The following ADAMTS6 variants were observed in gnomAD, a reference collection of about 807,000 sequenced individuals.
ADAMTS6 encodes A disintegrin and metalloproteinase with thrombospondin motifs 6.
Under a neutral mutation model 144.3 loss-of-function variants are expected in ADAMTS6, and 23 were observed. The observed-to-expected ratio is 0.16, with a 90% CI of 0.11 to 0.23. The LOEUF (loss-of-function observed/expected upper bound fraction) is 0.23, where lower values mean the gene tolerates loss of function less well. Among genes scored for constraint, ADAMTS6 ranks in the 10% least tolerant of loss-of-function variants. The pLI, the probability that ADAMTS6 is intolerant of heterozygous loss-of-function variation, is 1.00. For missense variants in ADAMTS6, 999 were observed against 1,379.6 expected, an observed-to-expected ratio of 0.72 and a Z score of 4.37; for synonymous variants, 444 against 457.5, an observed-to-expected ratio of 0.97 and a Z score of 0.38.
At chr5:65,196,815 T>G (rs770588537) in intron 21 of ADAMTS6, among the ~76,000 whole-genome samples, 6 of 152,144 alleles carry the variant, frequency 3.9e-5, no homozygotes, top group Admixed American at 6.5e-5. Context: ...AGTTCCTGCT[T>G]TAAAGAAGTT....
At chr5:65,226,302 A>C in intron 15 of ADAMTS6, 83 bp from the exon 16 acceptor site, 1 of 1,412,552 alleles carries the variant, frequency 7.1e-7, no homozygotes, top group Non-Finnish European at 9.7e-7. Context: ...GCAAATTTAT[A>C]ATTCACGTAG....
At chr5:65,262,749 G>C in intron 13 of ADAMTS6, 68 bp downstream of exon 13, 3 of 1,432,774 alleles carry the variant, frequency 2.1e-6, no homozygotes. Context: ...GATAACATGT[G>C]AAACCACAGC....
intron 7 of ADAMTS6, among the ~76,000 whole-genome samples, chr5:65,347,729 A>G (rs1748477448): frequency 6.6e-6 from 1 of 152,126 alleles, no homozygotes; most frequent in Admixed American, 6.6e-5. Flanking sequence ...GATTAGGAGA[A>G]AATATTTTAA....
chr5:65,398,808 GAAAGAAAGAAA>G (rs1753626594), intron 7 of ADAMTS6, among the ~76,000 whole-genome samples: 1 of 88,304 alleles, frequency 1.1e-5, no homozygotes, highest in South Asian at 3.9e-4. Context: ...AAGAAAGAAA[GAAAGAAAGAAA>G]GAAAGAAAGA....
At chr5:65,170,896 G>A (rs1231927095) in intron 23 of ADAMTS6, 123 bp from the exon 24 acceptor site, 2 of 1,060,090 alleles carry the variant, frequency 1.9e-6, no homozygotes, top group Admixed American at 5.8e-5. Flanking sequence ...TTGAGACACA[G>A]CGTCTTGCTA....
Position 65,170,708 on chromosome 5 carries a change from C to T in ADAMTS6, c.3153G>A (p.Gln1051=). The change falls in exon 24 of 25, where the codon CAG becomes CAA. Residue 1051 remains glutamine (Q), a synonymous_variant. Coordinates refer to ENST00000381055, the MANE Select transcript of ADAMTS6 (RefSeq NM_197941.4). The stretch of plus-strand genomic sequence containing the variant: ...CAGTTTCTAGACAGTCACTAGATGC[C>T]TGTCCGGTGTAGGAGAGACACTGCA... ...RTVQCLSYTG[Q]ASSDCLETVR... is the part of the protein sequence containing the mutation. The T allele has an allele frequency of 6.2e-7, 1 of 1,614,188 alleles. No individual in the cohort carries two copies. Among genetic ancestry groups the T allele is most frequent in the South Asian group, 1.1e-5 (1 of 91,084 alleles).
intron 9 of ADAMTS6, among the ~76,000 whole-genome samples, chr5:65,312,725 A>T (rs1744617700): frequency 6.6e-6 from 1 of 152,026 alleles, no homozygotes; most frequent in Non-Finnish European, 1.5e-5. Flanking sequence ...ATAGTCAAAG[A>T]AAGTACCATA....
At chr5:65,406,542 C>G (rs4485885) in intron 7 of ADAMTS6, among the ~76,000 whole-genome samples, 92,385 of 151,894 alleles carry the variant, frequency 0.61, 29,942 homozygotes, top group African/African-American at 0.84. Flanking sequence ...TGCTGGATTC[C>G]GTTTGCCAGT....
At chr5:65,212,624 T>C (rs1756623115) in intron 20 of ADAMTS6, among the ~76,000 whole-genome samples, 1 of 152,132 alleles carries the variant, frequency 6.6e-6, no homozygotes, top group South Asian at 2.1e-4. Context: ...ATTATCTCCT[T>C]TCTGAACAAA....
At chr5:65,411,873 T>C (rs1755084793) in intron 7 of ADAMTS6, among the ~76,000 whole-genome samples, 1 of 152,126 alleles carries the variant, frequency 6.6e-6, no homozygotes, top group Non-Finnish European at 1.5e-5. Flanking sequence ...TCCTTAAGTA[T>C]AAAGAAGTAG....
chr5:65,169,759 C>A (rs1753479351), intron 24 of ADAMTS6, among the ~76,000 whole-genome samples: 1 of 151,432 alleles, frequency 6.6e-6, no homozygotes, highest in Admixed American at 6.6e-5. Flanking sequence ...AATTGGAAAC[C>A]ATCATTCTCA....
chr5:65,392,729 T>C (rs1415663924), intron 7 of ADAMTS6, among the ~76,000 whole-genome samples: 1 of 152,176 alleles, frequency 6.6e-6, no homozygotes, highest in Non-Finnish European at 1.5e-5. Context: ...AAGGTCACTT[T>C]CAGAAGGTTC....
At chr5:65,199,166 A>T (rs749873511) in intron 20 of ADAMTS6, among the ~76,000 whole-genome samples, 2 of 152,162 alleles carry the variant, frequency 1.3e-5, no homozygotes, top group Non-Finnish European at 2.9e-5. Context: ...ACTATACTTG[A>T]AACAAGAACA....
Position 65,332,312 on chromosome 5 carries a change from T to TAGAGAG in ADAMTS6, c.1117+1724_1117+1729dup, listed in dbSNP as rs10673039. ...GTATATATATATATATATATATATA[T>TAGAGAG]AGAGAGAGAGAGAGAGAGAGAGAGA... On this transcript the variant is annotated intron_variant, in intron 8 of 24. Coordinates refer to ENST00000381055, the MANE Select transcript of ADAMTS6 (RefSeq NM_197941.4). Among the ~76,000 whole-genome samples the TAGAGAG allele has an allele frequency of 1.7e-3, 176 of 102,108 alleles. 3 individuals are homozygous for TAGAGAG. Among genetic ancestry groups the TAGAGAG allele is most frequent in the Non-Finnish European group, 2.9e-3 (139 of 47,178 alleles). The allele number at this position is 102,108 out of a possible 152,430, so 67.0% of individuals were successfully genotyped here. A position where few individuals can be genotyped will look rare whatever the true frequency, so the allele number is the denominator to read the frequency against.
At chr5:65,187,444 T>C (rs1381778211) in intron 22 of ADAMTS6, among the ~76,000 whole-genome samples, 1 of 152,196 alleles carries the variant, frequency 6.6e-6, no homozygotes, top group Non-Finnish European at 1.5e-5. Context: ...GTTATAACCT[T>C]CAGCTCCATG....
intron 24 of ADAMTS6, among the ~76,000 whole-genome samples, chr5:65,159,226 G>A (rs1478872308): frequency 1.3e-5 from 2 of 152,012 alleles, no homozygotes; most frequent in Non-Finnish European, 2.9e-5. Flanking sequence ...TCTCTTGCCT[G>A]GACTCTTAGA....
intron 11 of ADAMTS6, among the ~76,000 whole-genome samples, chr5:65,288,288 T>A (rs1208912179): frequency 6.7e-6 from 1 of 149,614 alleles, no homozygotes; most frequent in African/African-American, 2.5e-5. Flanking sequence ...TAGTTCTTTT[T>A]TTTTCTTTTT....
intron 12 of ADAMTS6, among the ~76,000 whole-genome samples, chr5:65,266,844 T>C (rs1481481812): frequency 1.3e-5 from 2 of 151,902 alleles, no homozygotes; most frequent in Admixed American, 6.6e-5. Context: ...TATGGCTACT[T>C]TTCTCCTTTG....
chr5:65,303,762 T>C (rs1476203645), intron 9 of ADAMTS6, among the ~76,000 whole-genome samples: 1 of 152,050 alleles, frequency 6.6e-6, no homozygotes, highest in Non-Finnish European at 1.5e-5. Context: ...AAATTTTGAC[T>C]ATAGAGCCAG....
Sources: allele counts gnomAD v4.1 joint callset (sites outside exome capture counted in the v4.1 genomes callset), GRCh38; gene constraint gnomAD v4.1.1; transcripts MANE v1.5; gene names NCBI Gene and HGNC (gene_info 2026-07-23, HGNC 2026-07-21).